CTNNA2: variants seen among roughly 807,000 people sequenced by gnomAD.
CTNNA2 encodes catenin alpha-2.
In CTNNA2, 42 loss-of-function variants were observed where a neutral mutation model predicts 101.0. The ratio of observed to expected loss-of-function variants is 0.42; its 90% CI spans 0.32 to 0.54. The LOEUF (loss-of-function observed/expected upper bound fraction) is 0.54. Among genes scored for constraint, CTNNA2 ranks in the 20% least tolerant of loss-of-function variants. The probability of loss-of-function intolerance (pLI) is 0.14; values close to 1 mark genes in which losing one functional copy is unlikely to be tolerated. For synonymous variants in CTNNA2, 450 were observed against 456.4 expected, an observed-to-expected ratio of 0.99 and a Z score of 0.18; for missense variants, 871 against 1,223.1, an observed-to-expected ratio of 0.71 and a Z score of 4.29.
rs1196960104 is a variant in CTNNA2, at chr2:80,313,780, T to C, written c.1057-79431T>C. ...ATAATTCTGATGACTCCCTTGAACA[T>C]GAATGGAGGAGAAAGGATACTGAAA... On this transcript the variant is annotated intron_variant, in intron 7 of 18. Coordinates refer to ENST00000402739, the MANE Select transcript of CTNNA2 (RefSeq NM_001282597.3). 5 of 697,890 alleles carry C rather than the reference T, an allele frequency of 7.2e-6. No individual in the cohort carries two copies. The East Asian group carries it at 1.4e-4, about 19-fold the overall frequency. 43.2% of individuals were successfully genotyped at this position (697,890 alleles called of 1,614,324 possible).
chr2:80,366,418 G>A (rs772077813), intron 7 of CTNNA2, among the ~76,000 whole-genome samples: 3 of 152,142 alleles, frequency 2.0e-5, no homozygotes, highest in Admixed American at 1.3e-4. Context: ...CAGTGGCGGC[G>A]TGTGTGTATG....
At chr2:80,272,458 A>G (rs1673572393) in intron 7 of CTNNA2, among the ~76,000 whole-genome samples, 1 of 152,244 alleles carries the variant, frequency 6.6e-6, no homozygotes, top group South Asian at 2.1e-4. Context: ...TATTTCCTCT[A>G]AGGACCATCA....
intron 7 of CTNNA2, among the ~76,000 whole-genome samples, chr2:80,124,117 C>G (rs1024257009): frequency 1.3e-5 from 2 of 152,114 alleles, no homozygotes; most frequent in South Asian, 4.2e-4. Flanking sequence ...TTAGAACCAG[C>G]CACACTGTGA....
chr2:79,970,298 T>C (rs947885007), intron 7 of CTNNA2, among the ~76,000 whole-genome samples: 1 of 152,188 alleles, frequency 6.6e-6, no homozygotes, highest in Non-Finnish European at 1.5e-5. Flanking sequence ...CAGGGGCTTA[T>C]TTCTACTCCA....
At chr2:80,587,751 C>G (rs1696100413) in intron 14 of CTNNA2, among the ~76,000 whole-genome samples, 1 of 152,158 alleles carries the variant, frequency 6.6e-6, no homozygotes, top group Non-Finnish European at 1.5e-5. Flanking sequence ...CTGCAGTCCC[C>G]CAAACTGTAC....
rs1558783566 is a variant in CTNNA2 at position 80,075,646 on chromosome 2, TATAAAAA to T, written c.1056+165850_1056+165856del. On this transcript the variant is annotated intron_variant, in intron 7 of 18. Coordinates refer to ENST00000402739, the MANE Select transcript of CTNNA2 (RefSeq NM_001282597.3). ...TAAATATTTATACATGTATAAATAT[TATAAAAA>T]TAATATTTATACATGTATAAATATT... 2.4e-4 allele frequency among the ~76,000 whole-genome samples: 24 copies of T among 100,670 alleles called. No individual in the cohort carries two copies. The East Asian group carries it at 4.8e-3, about 20-fold the overall frequency. 66.0% of individuals were successfully genotyped at this position (100,670 alleles called of 152,430 possible).
chr2:80,644,634 A>C (rs1673859681), intron 18 of CTNNA2, among the ~76,000 whole-genome samples: 1 of 152,206 alleles, frequency 6.6e-6, no homozygotes, highest in African/African-American at 2.4e-5. Context: ...TCTACAGAAA[A>C]GGGCAAAATG....
intron 7 of CTNNA2, among the ~76,000 whole-genome samples, chr2:80,052,041 C>T (rs893856848): frequency 1.3e-5 from 2 of 152,122 alleles, no homozygotes; most frequent in East Asian, 3.8e-4. Context: ...ATTTTAAGGA[C>T]AACACGGATA....
intron 7 of CTNNA2, among the ~76,000 whole-genome samples, chr2:80,216,762 A>G (rs1315696116): frequency 3.9e-5 from 6 of 152,196 alleles, no homozygotes; most frequent in African/African-American, 1.4e-4. Context: ...TAAGACTAGT[A>G]AAAATAATAA....
At chr2:79,947,067 A>G (rs1475822461) in intron 7 of CTNNA2, among the ~76,000 whole-genome samples, 1 of 152,236 alleles carries the variant, frequency 6.6e-6, no homozygotes, top group East Asian at 1.9e-4. Flanking sequence ...CACAGTGGTT[A>G]TATTATCTCA....
At chr2:80,566,033 T>G (rs1190131022) in intron 12 of CTNNA2, among the ~76,000 whole-genome samples, 1 of 152,188 alleles carries the variant, frequency 6.6e-6, no homozygotes, top group Non-Finnish European at 1.5e-5. Context: ...ACAGAAATTT[T>G]CATGTGTCCT....
chr2:80,642,874 C>A (rs1055353875), intron 18 of CTNNA2, among the ~76,000 whole-genome samples: 1 of 152,186 alleles, frequency 6.6e-6, no homozygotes, highest in South Asian at 2.1e-4. Flanking sequence ...TCTTTCTGCC[C>A]ATTCAAAACA....
rs185789657 is a variant in CTNNA2, at chr2:79,551,096, A to G, written c.-6+37889A>G. ...TGTGTCTGTTTTAATATTTTCTACT[A>G]TTCGTCACTATATAGCTGCTGCAAA... On this transcript the variant is annotated intron_variant, in intron 1 of 18. Transcript: ENST00000402739. Among the ~76,000 whole-genome samples the G allele has an allele frequency of 1.1e-3, 165 of 152,328 alleles. No homozygotes were observed. The Middle Eastern group carries it at 0.027, about 25-fold the overall frequency.
At chr2:79,558,964 A>G (rs2052952) in intron 1 of CTNNA2, among the ~76,000 whole-genome samples, 106,789 of 151,570 alleles carry the variant, frequency 0.7, 37,800 homozygotes, top group Middle Eastern at 0.76. Context: ...CTCCCATCCC[A>G]TCACTCTTTC....
chr2:79,670,057 G>C (rs1272833189), intron 2 of CTNNA2, among the ~76,000 whole-genome samples: 1 of 152,186 alleles, frequency 6.6e-6, no homozygotes, highest in Non-Finnish European at 1.5e-5. Flanking sequence ...CAGGAACAGG[G>C]TTGGGGGATA....
At chr2:79,874,865 GAGATAACTTAC>G (rs1682887093) in intron 6 of CTNNA2, among the ~76,000 whole-genome samples, 2 of 152,174 alleles carry the variant, frequency 1.3e-5, no homozygotes, top group South Asian at 4.1e-4. Context: ...CCAGGTAGAT[GAGATAACTTAC>G]AGGCTATTTT....
At chr2:80,615,915 T>A (rs1334026864) in intron 17 of CTNNA2, among the ~76,000 whole-genome samples, 1 of 151,768 alleles carries the variant, frequency 6.6e-6, no homozygotes, top group Non-Finnish European at 1.5e-5. Context: ...TCTTAAATAG[T>A]AATTTTCCTT....
At chr2:79,713,898 C>T (rs1299149743) in intron 2 of CTNNA2, among the ~76,000 whole-genome samples, 1 of 152,122 alleles carries the variant, frequency 6.6e-6, no homozygotes, top group Non-Finnish European at 1.5e-5. Context: ...TACCTAGGAG[C>T]CCCTCATTGA....
At chr2:79,976,028 C>G (rs1690815729) in intron 7 of CTNNA2, among the ~76,000 whole-genome samples, 1 of 152,184 alleles carries the variant, frequency 6.6e-6, no homozygotes, top group African/African-American at 2.4e-5. Flanking sequence ...GACCAGCTCC[C>G]AAGCTGAATT....
Sources: allele counts gnomAD v4.1 joint callset (sites outside exome capture counted in the v4.1 genomes callset), GRCh38; gene constraint gnomAD v4.1.1; transcripts MANE v1.5; gene names NCBI Gene and HGNC (gene_info 2026-07-23, HGNC 2026-07-21).